PHF24: variants seen among roughly 807,000 people sequenced by gnomAD.
PHF24 encodes the protein PHD finger protein 24, also known as Galpha inhibitory interacting protein.
In PHF24, 25 loss-of-function variants were observed where a neutral mutation model predicts 42.6. The ratio of observed to expected loss-of-function variants is 0.59; its 90% CI spans 0.43 to 0.82. The LOEUF is 0.82. Ranked by LOEUF, PHF24 falls within the 40% of genes least tolerant of loss-of-function variation. The pLI, the probability that PHF24 is intolerant of heterozygous loss-of-function variation, is 0.00. For synonymous variants in PHF24, 185 were observed against 204.8 expected, an observed-to-expected ratio of 0.90 and a Z score of 0.83; for missense variants, 470 against 538.1, an observed-to-expected ratio of 0.87 and a Z score of 1.25.
the PHF24 span, chr9:34,832,511 A>T: frequency 6.6e-7 from 1 of 1,515,424 alleles, no homozygotes; most frequent in Non-Finnish European, 8.8e-7. Flanking sequence ...TCTCTGTCTT[A>T]CTTCTCCCCA....
the PHF24 span, among the ~76,000 whole-genome samples, chr9:34,926,714 C>T: frequency 1.3e-5 from 2 of 152,062 alleles, no homozygotes; most frequent in Admixed American, 6.5e-5. The surrounding 1 kb of genome is among the most constrained non-coding windows in gnomAD (Gnocchi z 4.3). Context: ...TGCTCAGGCT[C>T]ATGACACAGC....
chr9:34,905,122 A>G, the PHF24 span, among the ~76,000 whole-genome samples: 1 of 152,178 alleles, frequency 6.6e-6, no homozygotes, highest in African/African-American at 2.4e-5. Context: ...ATCCCAAAGA[A>G]ACCACTTGGT....
At chr9:34,830,141 C>T in the PHF24 span, among the ~76,000 whole-genome samples, 2 of 152,180 alleles carry the variant, frequency 1.3e-5, no homozygotes, top group Non-Finnish European at 2.9e-5. Context: ...AATCTCTGAG[C>T]TAGAATTCTA....
the PHF24 span, among the ~76,000 whole-genome samples, chr9:34,947,362 C>T: frequency 6.6e-6 from 1 of 151,886 alleles, no homozygotes; most frequent in Non-Finnish European, 1.5e-5. Context: ...CACAGCGCAG[C>T]ACATTACTCA....
chr9:34,693,115 T>G, the PHF24 span, among the ~76,000 whole-genome samples: 1 of 152,196 alleles, frequency 6.6e-6, no homozygotes, highest in Admixed American at 6.5e-5. Flanking sequence ...ATCCTTTTAT[T>G]CAGGTATCTG....
chr9:34,758,394 G>A, the PHF24 span, among the ~76,000 whole-genome samples: 20,253 of 152,032 alleles, frequency 0.13, 1,466 homozygotes, highest in Middle Eastern at 0.26. This position sits in a 1 kb window ranked among gnomAD's most constrained non-coding sequence, Gnocchi z 4.4. Context: ...GCTTAAGGGC[G>A]GGTTCACCAG....
At chr9:34,917,267 C>G in the PHF24 span, 2 of 1,089,892 alleles carry the variant, frequency 1.8e-6, no homozygotes, top group African/African-American at 3.1e-5. Context: ...TCATGTATAT[C>G]TGGATCGATG....
the PHF24 span, among the ~76,000 whole-genome samples, chr9:34,950,970 G>GGAATGAAATAAGGGATATTCAT: frequency 6.6e-6 from 1 of 152,128 alleles, no homozygotes; most frequent in African/African-American, 2.4e-5. Context: ...ACCAATATCT[G>GGAATGAAATAAGGGATATTCAT]GAATGAAATA....
At chr9:34,972,952 A>T (rs1020773309) in intron 3 of PHF24, among the ~76,000 whole-genome samples, 8 of 151,278 alleles carry the variant, frequency 5.3e-5, no homozygotes, top group Non-Finnish European at 1.2e-4. Flanking sequence ...AATGGTACAT[A>T]CAAGAGACCT....
chr9:34,961,956 T>G (rs1826602566), intron 1 of PHF24, among the ~76,000 whole-genome samples: 1 of 152,214 alleles, frequency 6.6e-6, no homozygotes, highest in Non-Finnish European at 1.5e-5. Flanking sequence ...TTTGTTTTTT[T>G]GAGGCTTAGG....
chr9:34,718,334 C>G, the PHF24 span, among the ~76,000 whole-genome samples: 1 of 152,206 alleles, frequency 6.6e-6, no homozygotes, highest in African/African-American at 2.4e-5. Flanking sequence ...AGGCCCCCCT[C>G]TCCCTCCCCA....
the PHF24 span, chr9:34,729,275 C>G: frequency 6.4e-7 from 1 of 1,551,290 alleles, no homozygotes; most frequent in Non-Finnish European, 8.7e-7. Context: ...GTTGGGATCA[C>G]AGCCCTACCC....
the PHF24 span, among the ~76,000 whole-genome samples, chr9:34,734,027 G>A: frequency 7.2e-5 from 11 of 152,146 alleles, no homozygotes; most frequent in Admixed American, 1.3e-4. Context: ...GTTGGAAGTA[G>A]CATTACTTTC....
At chr9:34,936,889 G>T in the PHF24 span, among the ~76,000 whole-genome samples, 1 of 151,434 alleles carries the variant, frequency 6.6e-6, no homozygotes, top group East Asian at 2.0e-4. Flanking sequence ...CCCCGTCTGA[G>T]AAGTGAGGAG....
the PHF24 span, among the ~76,000 whole-genome samples, chr9:34,804,109 T>C: frequency 1.3e-5 from 2 of 152,136 alleles, no homozygotes; most frequent in Non-Finnish European, 2.9e-5. Context: ...GAAATGACAT[T>C]TTTAACTATT....
the PHF24 span, among the ~76,000 whole-genome samples, chr9:34,736,748 G>A: frequency 6.6e-6 from 1 of 152,164 alleles, no homozygotes; most frequent in Non-Finnish European, 1.5e-5. Context: ...GCTAAAGGCA[G>A]CTTGAGAAAA....
At chr9:34,847,400 T>C in the PHF24 span, among the ~76,000 whole-genome samples, 2 of 152,190 alleles carry the variant, frequency 1.3e-5, no homozygotes, top group Non-Finnish European at 2.9e-5. Flanking sequence ...GGCTCTCTGT[T>C]TGTCTGTTAT....
the PHF24 span, among the ~76,000 whole-genome samples, chr9:34,720,334 A>G: frequency 6.6e-6 from 1 of 151,774 alleles, no homozygotes. Flanking sequence ...AGTCCCAGCT[A>G]CTCGGGAGGC....
At chr9:34,923,382 A>T in the PHF24 span, among the ~76,000 whole-genome samples, 2 of 151,876 alleles carry the variant, frequency 1.3e-5, no homozygotes, top group African/African-American at 2.4e-5. Flanking sequence ...TATTTTTTGG[A>T]ATAGTCTGAG....
Sources: gnomAD v4.1 joint callset for allele counts (sites outside exome capture counted in the v4.1 genomes callset) on GRCh38, gnomAD v4.1.1 for gene constraint, Gnocchi (gnomAD v3.1) non-coding constraint, MANE v1.5 for transcripts, NCBI Gene and HGNC (gene_info 2026-07-23, HGNC 2026-07-21) for gene names.